ADGRB1: variants seen among roughly 807,000 people sequenced by gnomAD.
The protein encoded by ADGRB1 is brain-specific angiogenesis inhibitor 1.
In ADGRB1, 36 loss-of-function variants were observed where a neutral mutation model predicts 175.7. That is an observed-to-expected ratio of 0.20 (90% CI 0.16 to 0.27). The LOEUF (loss-of-function observed/expected upper bound fraction) is 0.27, where lower values mean the gene tolerates loss of function less well. Ranked by LOEUF, ADGRB1 falls within the 10% of genes least tolerant of loss-of-function variation. The probability of loss-of-function intolerance (pLI) is 1.00; values close to 1 mark genes in which losing one functional copy is unlikely to be tolerated. For missense variants in ADGRB1, 1,731 were observed against 2,255.3 expected (o/e 0.77, Z 4.71); for synonymous variants, 1,054 against 979.4 (o/e 1.08, Z -1.42).
At chr8:142,518,711 G>T (rs1843593006) in intron 19 of ADGRB1, among the ~76,000 whole-genome samples, 1 of 152,262 alleles carries the variant, frequency 6.6e-6, no homozygotes, top group Admixed American at 6.5e-5. Context: ...ACCCAGGCAG[G>T]TGTGGAGAGA....
rs778790397 is a variant in ADGRB1 at position 142,544,265 on chromosome 8, C to T, written c.4603C>T (p.Arg1535Trp). 3.2e-6 allele frequency: 5 copies of T among 1,549,314 alleles called. No individual in the cohort carries two copies. Among genetic ancestry groups the T allele is most frequent in the Admixed American group, 2.0e-5 (1 of 50,964 alleles). The change falls in exon 31 of 31, where the codon CGG becomes TGG. Residue 1535 changes from arginine to tryptophan, a missense_variant. By Grantham distance (101) the Arg-to-Trp change is moderately radical (BLOSUM62 -3). Transcript: ENST00000517894. Reference sequence around the variant, plus strand: ...CAACAAGAGGCCCTGGGAGAGCCTCCGGAAAGCCCACGGGACGCCCACGTG... The same window carrying T: ...CAACAAGAGGCCCTGGGAGAGCCTCTGGAAAGCCCACGGGACGCCCACGTG... ...TPNKRPWESL[R>W]KAHGTPTWVK...
rs7014668 is a variant in ADGRB1 at position 142,459,891 on chromosome 8, C to T, written c.-219-4089C>T. The stretch of plus-strand genomic sequence containing the variant: ...ACACTACACAGGCCCGCCCCTGCCC[C>T]CAGCAGGCAGAGGGACCCACTCATC... On this transcript the variant is annotated intron_variant, in intron 1 of 30. Transcript: ENST00000517894. Among the ~76,000 whole-genome samples the T allele has an allele frequency of 7.0e-4, 106 of 152,366 alleles. 1 individual carries two copies. Among genetic ancestry groups the T allele is most frequent in the African/African-American group, 2.5e-3 (102 of 41,592 alleles).
chr8:142,469,552 CATGTGTGTGA>C (rs1252511435), intron 2 of ADGRB1, among the ~76,000 whole-genome samples: 160 of 135,406 alleles, frequency 1.2e-3, no homozygotes, highest in African/African-American at 4.6e-4. Flanking sequence ...TATGCACGTG[CATGTGTGTGA>C]ATGTGTGTGC....
At chr8:142,469,480 A>C (rs1156705899) in intron 2 of ADGRB1, among the ~76,000 whole-genome samples, 11 of 101,054 alleles carry the variant, frequency 1.1e-4, no homozygotes, top group Admixed American at 1.1e-3. Flanking sequence ...TGCATGTGTG[A>C]GTGTGTATGC....
chr8:142,493,700 C>G lies in ADGRB1; in HGVS notation c.2675+2885C>G, dbSNP rs960725457. On this transcript the variant is annotated intron_variant, in intron 17 of 30. Coordinates refer to ENST00000517894, the MANE Select transcript of ADGRB1 (RefSeq NM_001702.3). This position sits in a 1 kb window ranked among gnomAD's most constrained non-coding sequence, Gnocchi z 5.0. ...TGAGGCCCTGAGACTCCTACAGTCC[C>G]GCTGAAAGCACAGCGCAGTGATCGA... Among the ~76,000 whole-genome samples the G allele has an allele frequency of 6.6e-6, 1 of 152,240 alleles. No homozygotes were observed. The highest frequency in any genetic ancestry group is 1.5e-5 in the Non-Finnish European group (1 of 68,044).
chr8:142,518,401 C>T (rs1449903227), intron 19 of ADGRB1, among the ~76,000 whole-genome samples, 160 bp downstream of exon 19: 2 of 80,664 alleles, frequency 2.5e-5, no homozygotes, highest in Non-Finnish European at 5.0e-5. Flanking sequence ...CATGCTGTGG[C>T]CCCTCCGAGG....
chr8:142,533,458 C>G lies in ADGRB1; in HGVS notation c.3562C>G (p.Arg1188Gly), dbSNP rs752785041. The change falls in exon 25 of 31, where the codon CGT becomes GGT. Residue 1188 changes from arginine (R) to glycine (G), a missense_variant. Arg to Gly is a moderately radical substitution (Grantham distance 125). This residue lies in a region of ADGRB1 where 301 missense variants were observed against 488.4 expected (regional missense o/e 0.62). Coordinates refer to ENST00000517894, the MANE Select transcript of ADGRB1 (RefSeq NM_001702.3). ...FVIVMVHCIL[R>G]REVQDAVKCR... ...CATCGTCATGGTGCACTGTATCCTC[C>G]GTAGAGAGGTGGGTGAGGCAGCCTC... The G allele has an allele frequency of 6.3e-7, 1 of 1,598,346 alleles. No individual in the cohort carries two copies. The highest frequency in any genetic ancestry group is 1.3e-5 in the African/African-American group (1 of 74,632).
intron 17 of ADGRB1, among the ~76,000 whole-genome samples, chr8:142,497,200 C>T (rs539723344): frequency 6.6e-6 from 1 of 152,216 alleles, no homozygotes; most frequent in Non-Finnish European, 1.5e-5. Flanking sequence ...CTGGCCTGTG[C>T]GGGCCTCCAG....
At chr8:142,513,588 G>A (rs1843222998) in intron 18 of ADGRB1, among the ~76,000 whole-genome samples, 1 of 152,178 alleles carries the variant, frequency 6.6e-6, no homozygotes, top group South Asian at 2.1e-4. Flanking sequence ...GCTGATGCGG[G>A]AGGCAGATGT....
rs1167632981 is a variant in ADGRB1, at chr8:142,464,958, G to A, written c.760G>A (p.Asp254Asn). The change falls in exon 2 of 31, where the codon GAC becomes AAC. Residue 254 changes from aspartate (D) to asparagine (N), a missense_variant. Physicochemically the swap from Asp to Asn is conservative, Grantham distance 23 (BLOSUM62 1). Transcript: ENST00000517894. ...PENCLTSLTQ[D>N]RGGHGATGGW... is the part of the protein sequence containing the mutation. ...AAACTGCCTCACCAGCCTGACCCAG[G>A]ACCGGGGCGGGCACGGCGCCACAGG... 5 of 1,523,786 alleles carry A rather than the reference G, an allele frequency of 3.3e-6. No individual in the cohort carries two copies. The African/African-American group carries it at 7.0e-5, about 21-fold the overall frequency. 94.4% of individuals were successfully genotyped at this position (1,523,786 alleles called of 1,614,324 possible).
In ADGRB1 at chr8:142,485,367, CT is replaced by C. The variant is rs1237218558; in HGVS notation, c.2308+606del. Among the ~76,000 whole-genome samples the C allele has an allele frequency of 5.6e-4, 85 of 152,202 alleles. 2 individuals carry two copies. Among genetic ancestry groups the C allele is most frequent in the Admixed American group, 3.9e-4 (6 of 15,280 alleles). ...TCTCTCAAAAGCCACGTTTCTCAAA[CT>C]TTCCCTGCCTTGATCAGAGAGTCTC... is the stretch of plus-strand genomic sequence containing the variant. On this transcript the variant is annotated intron_variant, in intron 13 of 30. Coordinates refer to ENST00000517894, the MANE Select transcript of ADGRB1 (RefSeq NM_001702.3).
chr8:142,499,222 C>T (rs775034117), intron 17 of ADGRB1, among the ~76,000 whole-genome samples: 1 of 152,208 alleles, frequency 6.6e-6, no homozygotes, highest in Non-Finnish European at 1.5e-5. Flanking sequence ...GTGACTTTCT[C>T]CAGCCCCGGC....
intron 18 of ADGRB1, among the ~76,000 whole-genome samples, chr8:142,517,095 C>G (rs952543663): frequency 6.6e-6 from 1 of 152,102 alleles, no homozygotes; most frequent in Non-Finnish European, 1.5e-5. Flanking sequence ...CTTCTGGGGG[C>G]ACCGCTGGGG....
chr8:142,524,261 G>A lies in ADGRB1; in HGVS notation c.3269G>A (p.Gly1090Glu). The A allele has an allele frequency of 6.2e-7, 1 of 1,600,602 alleles. No homozygotes were observed. The highest frequency in any genetic ancestry group is 8.5e-7 in the Non-Finnish European group (1 of 1,179,050). The change falls in exon 23 of 31, where the codon GGA becomes GAA. Residue 1090 changes from glycine to glutamate, a missense_variant. This residue lies in a region of ADGRB1 where 301 missense variants were observed against 488.4 expected (regional missense o/e 0.62). Coordinates refer to ENST00000517894, the MANE Select transcript of ADGRB1 (RefSeq NM_001702.3). ...MNYCWLSLEG[G>E]LLYAFVGPAA... ...AGCTGCTGGCTCTCCCTGGAGGGGG[G>A]ACTGCTCTATGCCTTCGTGGGACCT...
At position 142,543,327 on chromosome 8, in the gene ADGRB1, C is replaced by G; in HGVS notation, c.4414-76C>G. On this transcript the variant is annotated intron_variant, in intron 28 of 30. Coordinates refer to ENST00000517894, the MANE Select transcript of ADGRB1 (RefSeq NM_001702.3). This position sits in a 1 kb window ranked among gnomAD's most constrained non-coding sequence, Gnocchi z 4.4. Reference sequence around the variant, plus strand: ...ATGGGGCGAGTGAGTCCCTGATGCCCTCAGTCTGAGGCAGGGAGAGGCGTG... The same window carrying G: ...ATGGGGCGAGTGAGTCCCTGATGCCGTCAGTCTGAGGCAGGGAGAGGCGTG... 1 of 1,583,280 alleles carries G rather than the reference C, an allele frequency of 6.3e-7. No individual in the cohort carries two copies. The highest frequency in any genetic ancestry group is 1.1e-5 in the South Asian group (1 of 88,074).
intron 23 of ADGRB1, among the ~76,000 whole-genome samples, chr8:142,525,481 C>T: frequency 6.6e-6 from 1 of 152,138 alleles, no homozygotes; most frequent in Non-Finnish European, 1.5e-5. Flanking sequence ...TGGGCAGAGC[C>T]TGCTGCAGGC....
Position 142,533,328 on chromosome 8 carries a change from G to A in ADGRB1, c.3432G>A (p.Pro1144=), listed in dbSNP as rs775431252. The change falls in exon 25 of 31, where the codon CCG becomes CCA. Residue 1144 remains proline, a synonymous_variant. Transcript: ENST00000517894. The part of the protein sequence containing the change: ...ASLWSSCVVL[P]LLALTWMSAV... ...TGTGGAGCTCCTGCGTGGTGCTGCC[G>A]CTGCTGGCGCTGACCTGGATGTCGG... The A allele has an allele frequency of 1.9e-5, 30 of 1,575,362 alleles. No homozygotes were observed. Among genetic ancestry groups the A allele is most frequent in the East Asian group, 1.2e-4 (5 of 43,384 alleles).
chr8:142,456,639 C>T (rs963796946), intron 1 of ADGRB1, among the ~76,000 whole-genome samples: 4 of 152,240 alleles, frequency 2.6e-5, no homozygotes, highest in South Asian at 2.1e-4. Context: ...CTCCTTGCAC[C>T]GAGGCTGCTC....
chr8:142,505,099 G>A (rs536049566), intron 17 of ADGRB1, among the ~76,000 whole-genome samples: 13 of 152,248 alleles, frequency 8.5e-5, no homozygotes, highest in African/African-American at 1.4e-4. Flanking sequence ...CGCCCTCCCC[G>A]TCACTGTCCC....
Sources: allele counts gnomAD v4.1 joint callset (sites outside exome capture counted in the v4.1 genomes callset), GRCh38; gene constraint gnomAD v4.1.1; regional missense constraint gnomAD v4.1.1; non-coding constraint Gnocchi (gnomAD v3.1); transcripts MANE v1.5; gene names NCBI Gene and HGNC (gene_info 2026-07-23, HGNC 2026-07-21).